The following KIF1A variants were observed in gnomAD, a reference collection of about 807,000 sequenced individuals.
KIF1A encodes the protein kinesin-like protein KIF1A.
In KIF1A, 46 loss-of-function variants were observed where a neutral mutation model predicts 227.3. That is an observed-to-expected ratio of 0.20 (90% CI 0.16 to 0.26). The LOEUF is 0.26. Ranked by LOEUF, KIF1A falls within the 10% of genes least tolerant of loss-of-function variation. The pLI, the probability that KIF1A is intolerant of heterozygous loss-of-function variation, is 1.00. For synonymous variants in KIF1A, 1,022 were observed against 1,012.8 expected (o/e 1.01, Z -0.17); for missense variants, 1,683 against 2,485.9 (o/e 0.68, Z 6.87).
At chr2:240,718,762 G>A (rs1269938347) in intron 47 of KIF1A, among the ~76,000 whole-genome samples, 1 of 152,224 alleles carries the variant, frequency 6.6e-6, no homozygotes, top group African/African-American at 2.4e-5. Context: ...TGCTTGCCCT[G>A]ACCGGAGTCC....
At chr2:240,731,939 G>A (rs1342646683) in intron 38 of KIF1A, among the ~76,000 whole-genome samples, 1 of 123,614 alleles carries the variant, frequency 8.1e-6, no homozygotes, top group African/African-American at 3.0e-5. Flanking sequence ...GATGAGGGAT[G>A]GGGGGAGGAG....
chr2:240,769,258 C>A, intron 16 of KIF1A, 50 bp from the exon 17 acceptor site: 1 of 1,530,034 alleles, frequency 6.5e-7, no homozygotes, highest in Non-Finnish European at 8.9e-7. Flanking sequence ...GCTTCCAGCA[C>A]TGGCCTCAGC....
At position 240,796,240 on chromosome 2, in the gene KIF1A, G is replaced by A. The variant is rs141997653; in HGVS notation, c.106+1407C>T. 2.6e-4 allele frequency among the ~76,000 whole-genome samples: 40 copies of A among 152,276 alleles called. No individual in the cohort carries two copies. In the East Asian group the frequency reaches 4.1e-3, roughly 15 times the overall value. On this transcript the variant is annotated intron_variant, in intron 2 of 48. Coordinates refer to ENST00000498729, the MANE Select transcript of KIF1A (RefSeq NM_001244008.2). Reference sequence around the variant, plus strand: ...CACATTTCCAGACTCACAGCTCTGCGCAGCCTGAGGCTTCCCTCTTAAAGG... The same window carrying A: ...CACATTTCCAGACTCACAGCTCTGCACAGCCTGAGGCTTCCCTCTTAAAGG...
At chr2:240,783,882 T>TG in intron 7 of KIF1A, 66 bp from the exon 8 acceptor site, 2 of 1,254,766 alleles carry the variant, frequency 1.6e-6, no homozygotes, top group South Asian at 2.6e-5. Context: ...CCAGGACCCC[T>TG]GGGCAAGGTC....
intron 10 of KIF1A, chr2:240,781,686 G>T: frequency 1.1e-6 from 1 of 870,156 alleles, no homozygotes; most frequent in Non-Finnish European, 1.4e-6. Context: ...TCCGTCTCCC[G>T]CAGTCCCACG....
chr2:240,773,963 G>A (rs2052382388), intron 12 of KIF1A, among the ~76,000 whole-genome samples: 1 of 152,200 alleles, frequency 6.6e-6, no homozygotes, highest in African/African-American at 2.4e-5. Context: ...GCTGCCTGCA[G>A]CCCCAAAGCA....
chr2:240,808,752 T>G (rs972269427), intron 1 of KIF1A, among the ~76,000 whole-genome samples: 1 of 152,050 alleles, frequency 6.6e-6, no homozygotes, highest in African/African-American at 2.4e-5. Flanking sequence ...TTTTTTGAGA[T>G]GGAGTCTCAC....
intron 34 of KIF1A, among the ~76,000 whole-genome samples, chr2:240,741,596 C>T (rs1476684413): frequency 6.6e-6 from 1 of 152,236 alleles, no homozygotes; most frequent in Non-Finnish European, 1.5e-5. Flanking sequence ...CGCTCACGTT[C>T]TCTGTGCCCC....
rs371642065 is a variant in KIF1A at position 240,718,977 on chromosome 2, G to T, written c.5214+29C>A. 2.5e-5 allele frequency: 40 copies of T among 1,570,808 alleles called. No individual in the cohort carries two copies. In the African/African-American group the frequency reaches 4.7e-4, roughly 19 times the overall value. ...CTCCTGCCCTGCTAGGGTTCCTGGT[G>T]CCCGAGCCTGAGCCGGGCCCAGCCG... On this transcript the variant is annotated intron_variant, in intron 47 of 48. Transcript: ENST00000498729.
Position 240,797,770 on chromosome 2 carries a change from G to A in KIF1A, c.-18C>T. On this transcript the variant is annotated 5_prime_UTR_variant, in exon 2 of 49. Transcript: ENST00000498729. ...CCGGCCATCTCTGTGGCCTTCGTGGGTCACTCCTCGCAGTAGTGGGAGCCC... is the reference window on the plus strand; with the variant it reads ...CCGGCCATCTCTGTGGCCTTCGTGGATCACTCCTCGCAGTAGTGGGAGCCC... The A allele has an allele frequency of 6.4e-7, 1 of 1,559,190 alleles. No individual in the cohort carries two copies. Among genetic ancestry groups the A allele is most frequent in the African/African-American group, 1.3e-5 (1 of 74,124 alleles).
In KIF1A at chr2:240,788,244, A is replaced by G. The variant is rs753798501; in HGVS notation, c.184-14T>C. On this transcript the variant is annotated splice_polypyrimidine_tract_variant and intron_variant, in intron 3 of 48. Transcript: ENST00000498729. This position sits in a 1 kb window ranked among gnomAD's most constrained non-coding sequence, Gnocchi z 6.6. Reference sequence around the variant, plus strand: ...GATGTCCTCAGGCTGGAGGACGAGGAAGGAATGAAGTTGCAGGAGGCTGGG... The same window carrying G: ...GATGTCCTCAGGCTGGAGGACGAGGGAGGAATGAAGTTGCAGGAGGCTGGG... 196 of 1,612,846 alleles carry G rather than the reference A, an allele frequency of 1.2e-4. 1 individual carries two copies. Among genetic ancestry groups the G allele is most frequent in the Non-Finnish European group, 1.5e-4 (182 of 1,179,560 alleles).
chr2:240,798,203 C>T (rs948046156), intron 1 of KIF1A, among the ~76,000 whole-genome samples: 7 of 152,242 alleles, frequency 4.6e-5, no homozygotes, highest in African/African-American at 1.2e-4. Flanking sequence ...GGCTCCAGAT[C>T]GACATGTCAA....
intron 34 of KIF1A, 129 bp downstream of exon 34, chr2:240,742,800 G>T: frequency 1.2e-6 from 1 of 808,796 alleles, no homozygotes. Flanking sequence ...GCTCAGGGTG[G>T]CGCCAGAGTG....
intron 16 of KIF1A, 48 bp from the exon 17 acceptor site, chr2:240,769,256 C>T (rs1444580178): frequency 6.5e-7 from 1 of 1,541,390 alleles, no homozygotes; most frequent in East Asian, 2.3e-5. Context: ...AGGCTTCCAG[C>T]ACTGGCCTCA....
chr2:240,803,918 G>A (rs569974249), intron 1 of KIF1A, among the ~76,000 whole-genome samples: 1 of 152,252 alleles, frequency 6.6e-6, no homozygotes, highest in South Asian at 2.1e-4. Flanking sequence ...CCTCATTTTG[G>A]TTGACAAATA....
Position 240,783,059 on chromosome 2 carries a change from G to A in KIF1A, c.849C>T (p.Ser283=), listed in dbSNP as rs187442951. The change falls in exon 9 of 49, where the codon TCC becomes TCT. Residue 283 remains serine (S), a synonymous_variant. Coordinates refer to ENST00000498729, the MANE Select transcript of KIF1A (RefSeq NM_001244008.2). ...GGCCACTCACCATTTCAGCCAGGGC[G>A]GAGATGACCTTGCCCAGGGTGGTCA... ...KSLTTLGKVI[S]ALAEMDSGPN... 351 of 1,613,484 alleles carry A rather than the reference G, an allele frequency of 2.2e-4. 1 individual carries two copies. The East Asian group carries it at 3.9e-3, about 18-fold the overall frequency.
intron 10 of KIF1A, chr2:240,782,221 C>T (rs1403836023): frequency 3.0e-6 from 3 of 984,116 alleles, no homozygotes; most frequent in African/African-American, 3.5e-5. Flanking sequence ...GAGTCCAGCA[C>T]GCCTGTCACC....
Position 240,745,803 on chromosome 2 carries a change from G to A in KIF1A, c.3309C>T (p.Phe1103=), listed in dbSNP as rs2048526987. 4 of 1,613,028 alleles carry A rather than the reference G, an allele frequency of 2.5e-6. No individual in the cohort carries two copies. The South Asian group carries it at 4.4e-5, about 18-fold the overall frequency. The change falls in exon 31 of 49, where the codon TTC becomes TTT. Residue 1103 remains phenylalanine (F), a synonymous_variant. Coordinates refer to ENST00000498729, the MANE Select transcript of KIF1A (RefSeq NM_001244008.2). ...TGGACGCCTGCAGGACTGTCACACG[G>A]AAGGTGAAGGTGTTGCCCAGGCGGA... is the stretch of plus-strand genomic sequence containing the variant. ...DHLRLGNTFT[F]RVTVLQASSI...
At chr2:240,812,956 A>AGCCTTCACCTCGG (rs2058037870) in intron 1 of KIF1A, among the ~76,000 whole-genome samples, 2 of 60,280 alleles carry the variant, frequency 3.3e-5, no homozygotes, top group Non-Finnish European at 3.2e-5. Flanking sequence ...CTTCACCTCA[A>AGCCTTCACCTCGG]GGATCCACCT....
Sources: gnomAD v4.1 joint callset for allele counts (sites outside exome capture counted in the v4.1 genomes callset) on GRCh38, gnomAD v4.1.1 for gene constraint, Gnocchi (gnomAD v3.1) non-coding constraint, MANE v1.5 for transcripts, NCBI Gene and HGNC (gene_info 2026-07-23, HGNC 2026-07-21) for gene names.